KNDC1: variants seen among roughly 807,000 people sequenced by gnomAD.
The protein encoded by KNDC1 is kinase non-catalytic C-lobe domain-containing protein 1.
In KNDC1, 106 loss-of-function variants were observed where a neutral mutation model predicts 172.8. The ratio of observed to expected loss-of-function variants is 0.61; its 90% CI spans 0.52 to 0.72. The LOEUF (loss-of-function observed/expected upper bound fraction) is 0.72. Among genes scored for constraint, KNDC1 ranks in the 30% least tolerant of loss-of-function variants. The pLI is 0.00. For synonymous variants in KNDC1, 1,083 were observed against 1,062.2 expected (o/e 1.02, Z -0.38); for missense variants, 2,325 against 2,394.5 (o/e 0.97, Z 0.61).
intron 9 of KNDC1, among the ~76,000 whole-genome samples, chr10:133,191,203 G>A (rs113796563): frequency 0.015 from 2,082 of 142,728 alleles, 44 homozygotes; most frequent in African/African-American, 0.048. Context: ...GCCGGGTGTG[G>A]TGGCACGTGC....
At chr10:133,197,846 A>C in intron 12 of KNDC1, 78 bp downstream of exon 12, 1 of 1,153,660 alleles carries the variant, frequency 8.7e-7, no homozygotes, top group South Asian at 1.2e-5. Context: ...CTGCATGGAC[A>C]GACACAGCCG....
intron 23 of KNDC1, 38 bp from the exon 24 acceptor site, chr10:133,212,678 C>T (rs374114987): frequency 1.9e-5 from 30 of 1,572,754 alleles, no homozygotes; most frequent in African/African-American, 5.4e-5. Flanking sequence ...AGAGGGGACA[C>T]GGAGCTTAGG....
At chr10:133,211,378 G>T in intron 21 of KNDC1, 44 bp from the exon 22 acceptor site, 1 of 1,589,572 alleles carries the variant, frequency 6.3e-7, no homozygotes, top group Non-Finnish European at 8.5e-7. Flanking sequence ...CTCTGCCCCC[G>T]ACTCCCACAT....
chr10:133,220,242 T>TCAGGCGGGCGCGCGCCCAGGA (rs1845558902), intron 29 of KNDC1, 130 bp downstream of exon 29: 1 of 160,346 alleles, frequency 6.2e-6, no homozygotes. Context: ...CGCGCCCAGG[T>TCAGGCGGGCGCGCGCCCAGGA]GAGGAGGGGC....
intron 3 of KNDC1, among the ~76,000 whole-genome samples, chr10:133,169,409 G>C (rs1853298440): frequency 1.3e-5 from 2 of 152,230 alleles, no homozygotes; most frequent in African/African-American, 4.8e-5. Flanking sequence ...GCAGTGAGCG[G>C]AGATGGCACC....
chr10:133,179,379 G>C (rs1226793992), intron 3 of KNDC1: 1 of 152,226 alleles, frequency 6.6e-6, no homozygotes, highest in Admixed American at 6.5e-5. Flanking sequence ...GAGTGCTGCA[G>C]CCGCAATTCT....
rs1853997192 is a variant in KNDC1 at position 133,188,767 on chromosome 10, C to A, written c.1441+114C>A. On this transcript the variant is annotated intron_variant, in intron 7 of 29. Coordinates refer to ENST00000304613, the MANE Select transcript of KNDC1 (RefSeq NM_152643.8). Reference sequence around the variant, plus strand: ...CACCCCCCACACCGTCCCACGCCCCCCCACTGTCCCATCACCCCTGCCGTC... The same window carrying A: ...CACCCCCCACACCGTCCCACGCCCCACCACTGTCCCATCACCCCTGCCGTC... 1.7e-5 allele frequency: 10 copies of A among 588,000 alleles called. No individual in the cohort carries two copies. The South Asian group carries it at 1.8e-4, about 11-fold the overall frequency. The allele number at this position is 588,000 out of a possible 1,614,324, so 36.4% of individuals were successfully genotyped here. A position where few individuals can be genotyped will look rare whatever the true frequency, so the allele number is the denominator to read the frequency against.
At chr10:133,210,276 G>A (rs1479431166) in intron 20 of KNDC1, among the ~76,000 whole-genome samples, 1 of 150,964 alleles carries the variant, frequency 6.6e-6, no homozygotes. Context: ...CAGCTATTCG[G>A]GAGGCTGAGG....
intron 17 of KNDC1, among the ~76,000 whole-genome samples, chr10:133,205,990 C>T (rs1349788030): frequency 2.6e-5 from 4 of 152,200 alleles, no homozygotes; most frequent in Non-Finnish European, 5.9e-5. Flanking sequence ...CACCTGAGGT[C>T]GGGAGTTCAA....
At chr10:133,208,221 C>T (rs1845255940) in intron 20 of KNDC1, among the ~76,000 whole-genome samples, 1 of 151,212 alleles carries the variant, frequency 6.6e-6, no homozygotes, top group Non-Finnish European at 1.5e-5. Context: ...GTGGCCACCC[C>T]CAACCCCGTT....
At chr10:133,183,655 A>T (rs1301657162) in intron 4 of KNDC1, among the ~76,000 whole-genome samples, 165 bp downstream of exon 4, 4 of 152,140 alleles carry the variant, frequency 2.6e-5, no homozygotes, top group Admixed American at 2.6e-4. Flanking sequence ...TTTATTGTCC[A>T]TTTTTGTTAT....
In KNDC1 at chr10:133,189,795, G is replaced by A. The variant is rs1854028689; in HGVS notation, c.1557G>A (p.Glu519=). The change falls in exon 9 of 30, where the codon GAG becomes GAA. Residue 519 remains glutamate, a synonymous_variant. Transcript: ENST00000304613. ...SFFLAPELAE[E]RLVTEKASVY... ...TTCTGGCTCCCGAGCTGGCAGAGGAGAGGCTGGTAACTGAAAAGGTACCCG... is the reference window on the plus strand; with the variant it reads ...TTCTGGCTCCCGAGCTGGCAGAGGAAAGGCTGGTAACTGAAAAGGTACCCG... 3.7e-6 allele frequency: 6 copies of A among 1,613,920 alleles called. No homozygotes were observed. The highest frequency in any genetic ancestry group is 5.1e-6 in the Non-Finnish European group (6 of 1,179,992).
intron 26 of KNDC1, among the ~76,000 whole-genome samples, chr10:133,218,463 T>A (rs1005642392): frequency 6.6e-6 from 1 of 152,232 alleles, no homozygotes; most frequent in African/African-American, 2.4e-5. Flanking sequence ...GCTCCCCATC[T>A]GCCTGTGGAC....
chr10:133,212,569 G>A (rs1845390690), intron 23 of KNDC1, 147 bp from the exon 24 acceptor site: 3 of 663,650 alleles, frequency 4.5e-6, no homozygotes, highest in Non-Finnish European at 7.6e-6. Flanking sequence ...CGGGTGGGCA[G>A]GCTGCTCTCT....
chr10:133,197,186 C>G (rs41303837), intron 11 of KNDC1, 51 bp downstream of exon 11: 8 of 1,432,104 alleles, frequency 5.6e-6, no homozygotes, highest in South Asian at 1.2e-5. Context: ...TTAGCTTCCT[C>G]CCTCCTGGAC....
chr10:133,186,801 A>T, intron 6 of KNDC1, 127 bp downstream of exon 6: 2 of 703,640 alleles, frequency 2.8e-6, no homozygotes, highest in South Asian at 4.2e-5. Context: ...CTCCATAATT[A>T]AAGACATTTT....
rs953250647 is a variant in KNDC1 at position 133,197,073 on chromosome 10, C to G, written c.1750C>G (p.Leu584Val). The G allele has an allele frequency of 6.2e-7, 1 of 1,613,042 alleles. No homozygotes were observed. The highest frequency in any genetic ancestry group is 8.5e-7 in the Non-Finnish European group (1 of 1,179,738). Residue 584 changes from leucine to valine, a missense_variant, in exon 11 of 30, where the codon CTC (leucine) becomes GTC (valine). By Grantham distance (32) the Leu-to-Val change is conservative. Coordinates refer to ENST00000304613, the MANE Select transcript of KNDC1 (RefSeq NM_152643.8). ...CTCCCTCCAGGTGTGCGGCAGCTAC[C>G]TCCTCCAGCGAGGCATGGACAGCCG... ...AEAIKVCGSY[L>V]LQRGMDSRKI...
chr10:133,219,852 G>A, intron 28 of KNDC1, 103 bp from the exon 29 acceptor site: 1 of 1,182,516 alleles, frequency 8.5e-7, no homozygotes, highest in Non-Finnish European at 1.2e-6. Context: ...CGTGGAGAAC[G>A]CAGGACCCGC....
chr10:133,218,346 C>T (rs1845510176), intron 26 of KNDC1, among the ~76,000 whole-genome samples: 1 of 152,252 alleles, frequency 6.6e-6, no homozygotes, highest in African/African-American at 2.4e-5. Flanking sequence ...AGCCACAGAG[C>T]CCCGGAGGAG....
Sources: allele counts gnomAD v4.1 joint callset (sites outside exome capture counted in the v4.1 genomes callset), GRCh38; gene constraint gnomAD v4.1.1; transcripts MANE v1.5; gene names NCBI Gene and HGNC (gene_info 2026-07-23, HGNC 2026-07-21).